The following FDXR variants were observed in gnomAD, a reference collection of about 807,000 sequenced individuals.
The protein encoded by FDXR is ferredoxin reductase.
FDXR carries 38 observed loss-of-function variants against 58.3 expected under a neutral mutation model. That is an observed-to-expected ratio of 0.65 (90% confidence interval 0.50 to 0.85). The LOEUF (loss-of-function observed/expected upper bound fraction) is 0.85, where lower values mean the gene tolerates loss of function less well. Among genes scored for constraint, FDXR ranks in the 40% least tolerant of loss-of-function variants. FDXR has a pLI of 0.00. For synonymous variants in FDXR, 275 were observed against 273.8 expected (o/e 1.00, Z -0.04); for missense variants, 624 against 671.0 (o/e 0.93, Z 0.77).
chr17:74,862,815 G>A lies in FDXR; in HGVS notation c.*2C>T. 13 of 1,608,146 alleles carry A rather than the reference G, an allele frequency of 8.1e-6. No homozygotes were observed. The highest frequency in any genetic ancestry group is 1.1e-5 in the South Asian group (1 of 90,970). On this transcript the variant is annotated 3_prime_UTR_variant, in exon 12 of 12. Transcript: ENST00000293195. ...TGCTGGGGGCCGGGGCTGGGGCTGG[G>A]CTCAGTGGCCCAGGAGGCGCAGCAT...
At chr17:74,871,520 C>T (rs1598540703) in intron 2 of FDXR, among the ~76,000 whole-genome samples, 1 of 152,188 alleles carries the variant, frequency 6.6e-6, no homozygotes, top group East Asian at 1.9e-4. Context: ...GAGGCAGACA[C>T]TGAAAGCCTT....
chr17:74,871,335 ATAAT>A (rs1012867215), intron 2 of FDXR, among the ~76,000 whole-genome samples: 23 of 152,184 alleles, frequency 1.5e-4, no homozygotes, highest in African/African-American at 5.5e-4. Flanking sequence ...GTGTGTGTGT[ATAAT>A]TAAGATATTC....
chr17:74,864,839 C>T lies in FDXR; in HGVS notation c.702G>A (p.Val234=). 2 of 1,614,056 alleles carry T rather than the reference C, an allele frequency of 1.2e-6. No individual in the cohort carries two copies. The highest frequency in any genetic ancestry group is 1.7e-6 in the Non-Finnish European group (2 of 1,179,968). Reference sequence around the variant, plus strand: ...GCCCCAGCACCTTAATGGTGAAGGCCACTTGCAGGGGTCCACGCCGGCCCA... The same window carrying T: ...GCCCCAGCACCTTAATGGTGAAGGCTACTTGCAGGGGTCCACGCCGGCCCA... The part of the protein sequence containing the change: ...WLVGRRGPLQ[V]AFTIKELREM... Residue 234 remains valine (V), a synonymous_variant, in exon 7 of 12, where the codon GTG becomes GTA. Transcript: ENST00000293195.
chr17:74,867,570 C>G (rs2038235452), intron 2 of FDXR, among the ~76,000 whole-genome samples: 1 of 152,092 alleles, frequency 6.6e-6, no homozygotes, highest in African/African-American at 2.4e-5. Flanking sequence ...CAGGACCATG[C>G]TCTGGGGAAA....
At chr17:74,871,165 A>G (rs1281732859) in intron 2 of FDXR, among the ~76,000 whole-genome samples, 1 of 152,062 alleles carries the variant, frequency 6.6e-6, no homozygotes, top group Non-Finnish European at 1.5e-5. Flanking sequence ...CATTATTGTA[A>G]TTAGCTCTTT....
chr17:74,864,737 C>A (rs1567910377), intron 7 of FDXR, 87 bp downstream of exon 7: 2 of 1,568,608 alleles, frequency 1.3e-6, no homozygotes. Flanking sequence ...GCAGCAGCTA[C>A]TCCCAGGGGC....
chr17:74,867,336 C>T (rs1326184614), intron 2 of FDXR, among the ~76,000 whole-genome samples: 1 of 138,292 alleles, frequency 7.2e-6, no homozygotes, highest in Non-Finnish European at 1.5e-5. Context: ...AAAAAAAAGA[C>T]GACGACGGCC....
At chr17:74,863,053 G>A in intron 11 of FDXR, 23 bp downstream of exon 11, 1 of 1,607,382 alleles carries the variant, frequency 6.2e-7, no homozygotes, top group Non-Finnish European at 8.5e-7. Context: ...CACCTCCCAG[G>A]ACCTCAGCAT....
chr17:74,864,459 G>T, intron 8 of FDXR, 21 bp downstream of exon 8: 5 of 1,612,184 alleles, frequency 3.1e-6, no homozygotes, highest in Non-Finnish European at 4.2e-6. Flanking sequence ...GTAGTTGGGG[G>T]GCCAGGCCAG....
At chr17:74,866,305 C>A (rs1396690086) in intron 4 of FDXR, 61 bp from the exon 5 acceptor site, 2 of 1,566,868 alleles carry the variant, frequency 1.3e-6, no homozygotes. Flanking sequence ...ATAGGCCGGG[C>A]AGCCCCCCAG....
chr17:74,865,003 C>T, intron 6 of FDXR, 72 bp from the exon 7 acceptor site: 1 of 1,604,092 alleles, frequency 6.2e-7, no homozygotes, highest in Non-Finnish European at 8.5e-7. Flanking sequence ...TTGGTCATGT[C>T]CCCACCGTGG....
At position 74,872,107 on chromosome 17, in the gene FDXR, C is replaced by T. The variant is rs1283987673; in HGVS notation, c.106G>A (p.Glu36Lys). ...PSFCHHFSTQ[E>K]KTPQICVVGS... ...ACCACACAGATCTGGGGGGTCTTCT[C>T]CTGTGTGGAGAAATGGTGGCAGAAG... is the stretch of plus-strand genomic sequence containing the variant. Residue 36 changes from glutamate to lysine, a missense_variant, in exon 2 of 12, where the codon GAG becomes AAG. By Grantham distance (56) the Glu-to-Lys change is moderately conservative. Coordinates refer to ENST00000293195, the MANE Select transcript of FDXR (RefSeq NM_024417.5). 4.4e-6 allele frequency: 7 copies of T among 1,607,510 alleles called. No homozygotes were observed. In the Admixed American group the frequency reaches 6.8e-5, roughly 16 times the overall value.
intron 10 of FDXR, 28 bp downstream of exon 10, chr17:74,863,868 A>G (rs1317896716): frequency 1.3e-6 from 2 of 1,597,424 alleles, no homozygotes; most frequent in Non-Finnish European, 1.7e-6. Context: ...ACCATAATTC[A>G]GCACCCAGCC....
In FDXR at chr17:74,862,831, G is replaced by A. The variant is rs749319199; in HGVS notation, c.1462C>T (p.Leu488Phe). Reference protein sequence around the residue: ...KLVDPQEMLRLLGH With the variant: ...KLVDPQEMLRFLGH ...TGGGGCTGGGCTCAGTGGCCCAGGAGGCGCAGCATCTCCTGAGGATCCACC... is the reference window on the plus strand; with the variant it reads ...TGGGGCTGGGCTCAGTGGCCCAGGAAGCGCAGCATCTCCTGAGGATCCACC... Residue 488 changes from leucine (L) to phenylalanine (F), a missense_variant, in exon 12 of 12, where the codon CTC becomes TTC. Leu to Phe is a conservative substitution (Grantham distance 22). Coordinates refer to ENST00000293195, the MANE Select transcript of FDXR (RefSeq NM_024417.5). 2.2e-5 allele frequency: 36 copies of A among 1,610,952 alleles called. No individual in the cohort carries two copies. The highest frequency in any genetic ancestry group is 1.7e-4 in the Middle Eastern group (1 of 5,904).
At position 74,862,555 on chromosome 17, in the gene FDXR, C is replaced by T; in HGVS notation, c.*262G>A. 2.2e-6 allele frequency: 1 copy of T among 446,660 alleles called. No individual in the cohort carries two copies. Among genetic ancestry groups the T allele is most frequent in the Non-Finnish European group, 4.0e-6 (1 of 252,068 alleles). The allele number at this position is 446,660 out of a possible 1,614,324, so 27.7% of individuals were successfully genotyped here. On this transcript the variant is annotated 3_prime_UTR_variant, in exon 12 of 12. Coordinates refer to ENST00000293195, the MANE Select transcript of FDXR (RefSeq NM_024417.5). Reference sequence around the variant, plus strand: ...CCCAACCTGGTGACCCTCCACAGTCCAGCAGTAGAGAGATGGGTAAGGGGT... The same window carrying T: ...CCCAACCTGGTGACCCTCCACAGTCTAGCAGTAGAGAGATGGGTAAGGGGT...
At chr17:74,871,535 T>C (rs1007010071) in intron 2 of FDXR, among the ~76,000 whole-genome samples, 3 of 152,136 alleles carry the variant, frequency 2.0e-5, no homozygotes, top group Admixed American at 6.5e-5. Context: ...AGCCTTGAGA[T>C]CCTGGCCTTC....
At chr17:74,863,010 A>C (rs1486265379) in intron 11 of FDXR, 63 bp from the exon 12 acceptor site, 68 of 1,602,878 alleles carry the variant, frequency 4.2e-5, no homozygotes, top group Non-Finnish European at 5.4e-5. Flanking sequence ...GCCCCCTCCC[A>C]AAGAGTGAGG....
chr17:74,872,537 G>A (rs1055738947), intron 1 of FDXR: 7 of 620,638 alleles, frequency 1.1e-5, no homozygotes, highest in African/African-American at 5.5e-5. Flanking sequence ...ATATAGACCC[G>A]TCTTATTCCT....
intron 1 of FDXR, chr17:74,872,637 A>G: frequency 2.1e-6 from 2 of 954,142 alleles, no homozygotes; most frequent in Non-Finnish European, 3.0e-6. Flanking sequence ...TGTAGATCTC[A>G]AAGTCTCTCC....
Sources: allele counts gnomAD v4.1 joint callset (sites outside exome capture counted in the v4.1 genomes callset), GRCh38; gene constraint gnomAD v4.1.1; transcripts MANE v1.5; gene names NCBI Gene and HGNC (gene_info 2026-07-23, HGNC 2026-07-21).